The following CUL3 variants were observed in gnomAD, a reference collection of about 807,000 sequenced individuals.
CUL3 encodes cullin-3.
A neutral mutation model predicts 89.1 loss-of-function variants in CUL3; 19 were observed. The ratio of observed to expected loss-of-function variants is 0.21; its 90% CI spans 0.15 to 0.31. The LOEUF (loss-of-function observed/expected upper bound fraction) is 0.31. Ranked by LOEUF, CUL3 falls within the 10% of genes least tolerant of loss-of-function variation. The pLI, the probability that CUL3 is intolerant of heterozygous loss-of-function variation, is 1.00. For missense variants in CUL3, 469 were observed against 942.3 expected (o/e 0.50, Z 6.58); for synonymous variants, 351 against 308.4 (o/e 1.14, Z -1.45).
chr2:224,499,772 G>A (rs981473448), intron 11 of CUL3: 1 of 212,148 alleles, frequency 4.7e-6, no homozygotes, highest in East Asian at 1.1e-4. Flanking sequence ...GCTCGATGAA[G>A]GGGGTGATAC....
intron 3 of CUL3, among the ~76,000 whole-genome samples, chr2:224,533,947 T>C (rs917402002): frequency 2.6e-5 from 4 of 152,182 alleles, no homozygotes; most frequent in Admixed American, 1.3e-4. Context: ...TTTGTTCTCA[T>C]TGGAAATTCT....
At chr2:224,546,666 A>AC (rs561760268) in intron 2 of CUL3, among the ~76,000 whole-genome samples, 6,184 of 122,146 alleles carry the variant, frequency 0.051, 184 homozygotes, top group African/African-American at 0.092. Context: ...CAGAAATAGG[A>AC]TGGGGGGGGG....
intron 1 of CUL3, among the ~76,000 whole-genome samples, chr2:224,576,490 A>C (rs893608761): frequency 6.6e-6 from 1 of 152,224 alleles, no homozygotes. Flanking sequence ...CAAAAACTTC[A>C]AACATTTCAG....
Position 224,495,979 on chromosome 2 carries a change from T to C in CUL3, c.1708-13A>G. The C allele has an allele frequency of 6.2e-7, 1 of 1,607,384 alleles. No homozygotes were observed. The highest frequency in any genetic ancestry group is 8.5e-7 in the Non-Finnish European group (1 of 1,178,026). On this transcript the variant is annotated splice_polypyrimidine_tract_variant and intron_variant, in intron 12 of 15. Coordinates refer to ENST00000264414, the MANE Select transcript of CUL3 (RefSeq NM_003590.5). ...CAGATCCATCTTCCTGTTTCATTTT[T>C]AAAAAAATATAAACAAAGACACAAT...
At chr2:224,536,778 C>G (rs987795314) in intron 2 of CUL3, among the ~76,000 whole-genome samples, 7 of 152,174 alleles carry the variant, frequency 4.6e-5, no homozygotes, top group Admixed American at 2.0e-4. Flanking sequence ...ATGTTATTGA[C>G]CACTACTCTT....
intron 2 of CUL3, among the ~76,000 whole-genome samples, chr2:224,538,087 G>A (rs1042816124): frequency 6.6e-6 from 1 of 152,156 alleles, no homozygotes; most frequent in Non-Finnish European, 1.5e-5. Flanking sequence ...ACCAATAACG[G>A]TGAATTTTAC....
intron 2 of CUL3, among the ~76,000 whole-genome samples, chr2:224,548,288 C>A (rs1013015547): frequency 2.6e-5 from 4 of 152,158 alleles, no homozygotes; most frequent in Non-Finnish European, 5.9e-5. Flanking sequence ...CACACCAGAG[C>A]CTTGCTCAAC....
chr2:224,512,277 T>C (rs2106217978), intron 5 of CUL3, among the ~76,000 whole-genome samples: 1 of 152,098 alleles, frequency 6.6e-6, no homozygotes, highest in East Asian at 1.9e-4. Flanking sequence ...TTTGTATTTT[T>C]AGTAGAAATG....
intron 14 of CUL3, among the ~76,000 whole-genome samples, chr2:224,480,283 G>A (rs560264027): frequency 1.1e-3 from 172 of 152,164 alleles, no homozygotes; most frequent in African/African-American, 3.8e-3. Context: ...CTGAGTCTTC[G>A]AATATTTGAT....
At chr2:224,478,680 G>T in intron 14 of CUL3, 1 of 193,968 alleles carries the variant, frequency 5.2e-6, no homozygotes, top group Non-Finnish European at 1.1e-5. Context: ...GACTATCAGA[G>T]GTCAATTGAT....
chr2:224,529,055 T>C (rs917848404), intron 3 of CUL3, among the ~76,000 whole-genome samples: 3 of 152,188 alleles, frequency 2.0e-5, no homozygotes, highest in Admixed American at 1.3e-4. Context: ...CTGTAATTGC[T>C]TGAGTAGTCT....
chr2:224,506,794 G>T (rs1692619450), intron 7 of CUL3, 64 bp downstream of exon 7: 2 of 1,447,344 alleles, frequency 1.4e-6, no homozygotes, highest in African/African-American at 2.8e-5. Flanking sequence ...GGTAAAAGTG[G>T]CCTTTTTAGC....
intron 9 of CUL3, 134 bp from the exon 10 acceptor site, chr2:224,503,206 G>A (rs931235202): frequency 1.5e-6 from 1 of 666,970 alleles, no homozygotes. Flanking sequence ...CAGTTGCTCT[G>A]TGCCTGTGGT....
At position 224,503,089 on chromosome 2, in the gene CUL3, C is replaced by T; in HGVS notation, c.1378-17G>A. The stretch of plus-strand genomic sequence containing the variant: ...ACATTCAGTCTGTGGAGGAAAAACA[C>T]AAATATACACAAATAAATGGTAGAT... On this transcript the variant is annotated splice_polypyrimidine_tract_variant and intron_variant, in intron 9 of 15. Transcript: ENST00000264414. The T allele has an allele frequency of 7.4e-7, 1 of 1,347,186 alleles. No individual in the cohort carries two copies. Among genetic ancestry groups the T allele is most frequent in the Non-Finnish European group, 1.1e-6 (1 of 940,432 alleles). The allele number at this position is 1,347,186 out of a possible 1,614,324, so 83.5% of individuals were successfully genotyped here.
At chr2:224,557,462 T>G (rs1474633877) in intron 2 of CUL3, among the ~76,000 whole-genome samples, 197 bp downstream of exon 2, 2 of 152,154 alleles carry the variant, frequency 1.3e-5, no homozygotes, top group Non-Finnish European at 2.9e-5. Flanking sequence ...GCTCACAAAC[T>G]TCATCTCTCA....
intron 4 of CUL3, 149 bp from the exon 5 acceptor site, chr2:224,513,787 A>G (rs1353111429): frequency 3.5e-6 from 2 of 566,468 alleles, no homozygotes; most frequent in East Asian, 6.2e-5. Flanking sequence ...TGTAAAACGA[A>G]AGGATTTAGC....
At chr2:224,478,175 T>C in intron 15 of CUL3, 25 bp downstream of exon 15, 1 of 1,560,148 alleles carries the variant, frequency 6.4e-7, no homozygotes, top group South Asian at 1.2e-5. Context: ...TTTTCTATAT[T>C]AGCCCAGTAG....
chr2:224,569,671 A>C lies in CUL3; in HGVS notation c.67-11815T>G, dbSNP rs576113739. The C allele has an allele frequency of 8.0e-5, 87 of 1,082,218 alleles. No individual in the cohort carries two copies. In the African/African-American group the frequency reaches 1.3e-3, roughly 16 times the overall value. The allele number at this position is 1,082,218 out of a possible 1,614,324, so 67.0% of individuals were successfully genotyped here. On this transcript the variant is annotated intron_variant, in intron 1 of 15. Coordinates refer to ENST00000264414, the MANE Select transcript of CUL3 (RefSeq NM_003590.5). ...AAATGCCTGAATTTGAAAGGATGTC[A>C]GTCTATTATATACTTACACATCTTG...
chr2:224,512,941 A>G (rs1413566540), intron 5 of CUL3, among the ~76,000 whole-genome samples: 1 of 152,150 alleles, frequency 6.6e-6, no homozygotes, highest in Non-Finnish European at 1.5e-5. Flanking sequence ...CTACCACCTT[A>G]GACAGCAAGA....
Sources: allele counts gnomAD v4.1 joint callset (sites outside exome capture counted in the v4.1 genomes callset), GRCh38; gene constraint gnomAD v4.1.1; transcripts MANE v1.5; gene names NCBI Gene and HGNC (gene_info 2026-07-23, HGNC 2026-07-21).